SATB2: variants seen among roughly 807,000 people sequenced by gnomAD.
SATB2 encodes the protein DNA-binding protein SATB2.
Under a neutral mutation model 73.4 loss-of-function variants are expected in SATB2, and 1 was observed. That is an observed-to-expected ratio of 0.01 (90% CI 0.00 to 0.06). The LOEUF is 0.06. Among genes scored for constraint, SATB2 ranks in the 10% least tolerant of loss-of-function variants. SATB2 has a pLI of 1.00. For synonymous variants in SATB2, 397 were observed against 367.0 expected (o/e 1.08, Z -0.93); for missense variants, 459 against 945.8 (o/e 0.49, Z 6.75).
At chr2:199,426,573 A>G (rs1691334589) in intron 3 of SATB2, among the ~76,000 whole-genome samples, 1 of 152,064 alleles carries the variant, frequency 6.6e-6, no homozygotes. Flanking sequence ...CTGGGATTAC[A>G]AGTGTCAGCC....
intron 2 of SATB2, among the ~76,000 whole-genome samples, chr2:199,441,711 G>A (rs1559057224): frequency 6.6e-6 from 1 of 152,146 alleles, no homozygotes; most frequent in Non-Finnish European, 1.5e-5. Context: ...GATGAGTTCT[G>A]GCCTTCCACA....
chr2:199,406,197 C>T (rs375136136), intron 3 of SATB2, among the ~76,000 whole-genome samples: 19 of 152,088 alleles, frequency 1.2e-4, no homozygotes, highest in Admixed American at 1.2e-3. Context: ...GGAACCAATC[C>T]CCCTGGACAC....
At chr2:199,385,166 G>C (rs527323664) in intron 3 of SATB2, among the ~76,000 whole-genome samples, 1 of 152,030 alleles carries the variant, frequency 6.6e-6, no homozygotes, top group South Asian at 2.1e-4. Flanking sequence ...ACAGGGTCTG[G>C]CTCTGTCACC....
chr2:199,279,417 G>A (rs1273856894), intron 10 of SATB2, among the ~76,000 whole-genome samples: 1 of 152,220 alleles, frequency 6.6e-6, no homozygotes, highest in Non-Finnish European at 1.5e-5. Context: ...CTTTTTGCCT[G>A]TAGGGAAGGA....
intron 10 of SATB2, among the ~76,000 whole-genome samples, chr2:199,286,387 TTATTTGATCATCTAG>T (rs1692689479): frequency 6.6e-6 from 1 of 152,190 alleles, no homozygotes; most frequent in Non-Finnish European, 1.5e-5. Flanking sequence ...AGAAACAGAT[TTATTTGATCATCTAG>T]GGCTAACATG....
chr2:199,398,753 A>G (rs1041639105), intron 3 of SATB2, among the ~76,000 whole-genome samples: 3 of 152,242 alleles, frequency 2.0e-5, no homozygotes, highest in African/African-American at 7.2e-5. Context: ...AGTAAACACA[A>G]TAATAAAGAG....
At position 199,270,460 on chromosome 2, in the gene SATB2, C is replaced by A. The variant is rs1324764127; in HGVS notation, c.*1751G>T. On this transcript the variant is annotated 3_prime_UTR_variant, in exon 11 of 11. Transcript: ENST00000417098. Reference sequence around the variant, plus strand: ...TGTGTAGTAAACAGAAAATAACTTTCAAAGTGATATTGCATGAGGTCTTTG... The same window carrying A: ...TGTGTAGTAAACAGAAAATAACTTTAAAAGTGATATTGCATGAGGTCTTTG... 2 of 139,248 alleles carry A rather than the reference C, an allele frequency of 1.4e-5. No homozygotes were observed. Among genetic ancestry groups the A allele is most frequent in the African/African-American group, 2.7e-5 (1 of 37,696 alleles). 8.6% of individuals were successfully genotyped at this position (139,248 alleles called of 1,614,324 possible).
chr2:199,417,485 T>A (rs1275747833), intron 3 of SATB2, among the ~76,000 whole-genome samples: 1 of 152,206 alleles, frequency 6.6e-6, no homozygotes, highest in Admixed American at 6.5e-5. Context: ...GGGAAAATCA[T>A]CTGTCTTCTC....
At chr2:199,282,122 C>A (rs1408994248) in intron 10 of SATB2, among the ~76,000 whole-genome samples, 4 of 152,104 alleles carry the variant, frequency 2.6e-5, no homozygotes, top group Admixed American at 2.6e-4. Context: ...ACCTCGTGAT[C>A]CGCCCACCTT....
upstream of SATB2, among the ~76,000 whole-genome samples, chr2:199,466,451 C>A (rs1692595068): frequency 1.3e-5 from 2 of 152,206 alleles, no homozygotes; most frequent in African/African-American, 2.4e-5. Context: ...TGGTGACCAG[C>A]CCTTGTCCCC....
At chr2:199,446,942 T>C (rs1230985056) in intron 2 of SATB2, among the ~76,000 whole-genome samples, 3 of 152,138 alleles carry the variant, frequency 2.0e-5, no homozygotes, top group Non-Finnish European at 4.4e-5. Flanking sequence ...GAAAGAAATA[T>C]TCCCCCCTAA....
intron 3 of SATB2, chr2:199,397,627 G>C (rs754119432): frequency 4.9e-6 from 1 of 203,412 alleles, no homozygotes; most frequent in Non-Finnish European, 1.0e-5. Context: ...GATGGCTCAC[G>C]CCTGTAATCC....
intron 2 of SATB2, among the ~76,000 whole-genome samples, chr2:199,445,934 C>T (rs1559059774): frequency 1.3e-5 from 2 of 152,148 alleles, no homozygotes; most frequent in Admixed American, 6.5e-5. Context: ...TTCTTTAGTG[C>T]TTTCTAATTT....
At chr2:199,309,960 T>C (rs1291812814) in intron 9 of SATB2, among the ~76,000 whole-genome samples, 2 of 152,160 alleles carry the variant, frequency 1.3e-5, no homozygotes, top group Admixed American at 6.5e-5. Flanking sequence ...AAAAACCCCA[T>C]ATAATATCAT....
chr2:199,280,827 T>C (rs1056525959), intron 10 of SATB2, among the ~76,000 whole-genome samples: 27 of 152,334 alleles, frequency 1.8e-4, no homozygotes, highest in Middle Eastern at 6.8e-3. Context: ...TGTGGTCCTG[T>C]GATCTCGCCC....
chr2:199,380,344 C>T lies in SATB2; in HGVS notation c.597+20G>A. ...CAATGGCTTCTTCTGTTTCCCAGACCCCCACCTGAAGATACTGACCTGGGA... is the reference window on the plus strand; with the variant it reads ...CAATGGCTTCTTCTGTTTCCCAGACTCCCACCTGAAGATACTGACCTGGGA... On this transcript the variant is annotated intron_variant, in intron 5 of 10. Coordinates refer to ENST00000417098, the MANE Select transcript of SATB2 (RefSeq NM_001172509.2). The T allele has an allele frequency of 6.2e-7, 1 of 1,613,858 alleles. No homozygotes were observed. The highest frequency in any genetic ancestry group is 8.5e-7 in the Non-Finnish European group (1 of 1,179,784).
At chr2:199,353,291 A>C (rs1174111260) in intron 6 of SATB2, among the ~76,000 whole-genome samples, 1 of 150,500 alleles carries the variant, frequency 6.6e-6, no homozygotes, top group Admixed American at 6.7e-5. Context: ...AGTAGCTGGG[A>C]TTACAAGCAT....
upstream of SATB2, chr2:199,459,602 T>G (rs1364817917): frequency 1.3e-5 from 2 of 152,934 alleles, no homozygotes; most frequent in East Asian, 3.9e-4. The surrounding 1 kb of genome is among the most constrained non-coding windows in gnomAD (Gnocchi z 4.2). Context: ...TTGCACCTCA[T>G]GTCCCTCCCG....
At chr2:199,284,989 G>C (rs556832756) in intron 10 of SATB2, among the ~76,000 whole-genome samples, 2 of 152,058 alleles carry the variant, frequency 1.3e-5, no homozygotes, top group Admixed American at 1.3e-4. Context: ...TAAGGGGCTT[G>C]AGCATCCATG....
Sources: gnomAD v4.1 joint callset for allele counts (sites outside exome capture counted in the v4.1 genomes callset) on GRCh38, gnomAD v4.1.1 for gene constraint, Gnocchi (gnomAD v3.1) non-coding constraint, MANE v1.5 for transcripts, NCBI Gene and HGNC (gene_info 2026-07-23, HGNC 2026-07-21) for gene names.